The following MACROD2 variants were observed in gnomAD, a reference collection of about 807,000 sequenced individuals.
MACROD2 encodes ADP-ribose glycohydrolase MACROD2.
Under a neutral mutation model 70.4 loss-of-function variants are expected in MACROD2, and 36 were observed. The observed-to-expected ratio is 0.51, with a 90% confidence interval of 0.39 to 0.68. The LOEUF (loss-of-function observed/expected upper bound fraction) is 0.68, where lower values mean the gene tolerates loss of function less well. Ranked by LOEUF, MACROD2 falls within the 30% of genes least tolerant of loss-of-function variation. MACROD2 has a pLI of 0.00. For synonymous variants in MACROD2, 172 were observed against 178.8 expected (o/e 0.96, Z 0.30); for missense variants, 496 against 538.4 (o/e 0.92, Z 0.78).
intron 2 of MACROD2, among the ~76,000 whole-genome samples, chr20:14,025,271 G>A (rs928704612): frequency 6.6e-6 from 1 of 151,902 alleles, no homozygotes; most frequent in Admixed American, 6.6e-5. Context: ...TTCTTTATTT[G>A]TCTGGGTAGC....
At chr20:15,975,088 G>A (rs1248403141) in intron 13 of MACROD2, among the ~76,000 whole-genome samples, 1 of 151,692 alleles carries the variant, frequency 6.6e-6, no homozygotes, top group Non-Finnish European at 1.5e-5. Flanking sequence ...AGAGCAAAAC[G>A]GACAAAAGAC....
At chr20:14,766,423 G>T (rs969974028) in intron 5 of MACROD2, among the ~76,000 whole-genome samples, 4 of 152,028 alleles carry the variant, frequency 2.6e-5, no homozygotes, top group African/African-American at 9.7e-5. Context: ...GTGAACACTT[G>T]GTGGTAAAAG....
rs1255192945 is a variant in MACROD2 at position 14,044,448 on chromosome 20, G to C, written c.164-41173G>C. Among the ~76,000 whole-genome samples, 4 of 152,168 alleles carry C rather than the reference G, an allele frequency of 2.6e-5. 1 individual carries two copies. In the South Asian group the frequency reaches 8.3e-4, roughly 32 times the overall value. On this transcript the variant is annotated intron_variant, in intron 2 of 17. Transcript: ENST00000684519. Reference sequence around the variant, plus strand: ...GCGGGTTGCCACTGCTGGCGTGGCAGCCTGCTTTTATTCTCTTATTTGGCC... The same window carrying C: ...GCGGGTTGCCACTGCTGGCGTGGCACCCTGCTTTTATTCTCTTATTTGGCC...
intron 5 of MACROD2, among the ~76,000 whole-genome samples, chr20:14,811,203 G>A (rs142139139): frequency 0.083 from 12,580 of 152,050 alleles, 820 homozygotes; most frequent in Non-Finnish European, 0.13. Flanking sequence ...CAAGGCTACC[G>A]TAACCAAAAC....
chr20:15,768,694 CTA>C (rs1179216988), intron 8 of MACROD2, among the ~76,000 whole-genome samples: 2 of 152,174 alleles, frequency 1.3e-5, no homozygotes, highest in Non-Finnish European at 2.9e-5. Context: ...AACTTTTTGA[CTA>C]TTTTGTAATC....
chr20:16,043,631 G>T (rs575026998), intron 16 of MACROD2, among the ~76,000 whole-genome samples: 14 of 152,176 alleles, frequency 9.2e-5, no homozygotes, highest in Admixed American at 8.5e-4. Context: ...ACTGAGTCAG[G>T]TAAAAGCACA....
intron 2 of MACROD2, among the ~76,000 whole-genome samples, chr20:14,059,666 T>C (rs958593140): frequency 1.3e-5 from 2 of 152,232 alleles, no homozygotes; most frequent in Admixed American, 1.3e-4. Flanking sequence ...TTTCATTTTT[T>C]GGAAGAACAT....
chr20:14,803,010 T>C (rs903494207), intron 5 of MACROD2, among the ~76,000 whole-genome samples: 2 of 152,110 alleles, frequency 1.3e-5, no homozygotes, highest in Non-Finnish European at 2.9e-5. Context: ...TGAGTTGAAA[T>C]GAATTTTTAC....
At chr20:14,148,283 G>A (rs1216300934) in intron 3 of MACROD2, among the ~76,000 whole-genome samples, 1 of 152,192 alleles carries the variant, frequency 6.6e-6, no homozygotes, top group Non-Finnish European at 1.5e-5. Context: ...CAGGACGTAT[G>A]TTTGGGAAGA....
chr20:15,431,706 T>C (rs1327283510), intron 7 of MACROD2, among the ~76,000 whole-genome samples: 1 of 152,050 alleles, frequency 6.6e-6, no homozygotes, highest in Non-Finnish European at 1.5e-5. Flanking sequence ...TCCAGTAGGA[T>C]TGACTTCTAA....
At chr20:15,819,351 A>G (rs1040846278) in intron 8 of MACROD2, among the ~76,000 whole-genome samples, 46 of 141,658 alleles carry the variant, frequency 3.2e-4, no homozygotes, top group African/African-American at 1.1e-3. Context: ...ATATAATTAT[A>G]TAAATGTATA....
chr20:14,462,009 GTTGGGTATATACCCAGT>G (rs1459902659), intron 3 of MACROD2, among the ~76,000 whole-genome samples: 2 of 151,908 alleles, frequency 1.3e-5, no homozygotes, highest in Non-Finnish European at 2.9e-5. Context: ...ACCCAGTAAT[GTTGGGTATATACCCAGT>G]AATGAGCATG....
At chr20:14,792,603 C>T (rs1166792365) in intron 5 of MACROD2, among the ~76,000 whole-genome samples, 2 of 152,068 alleles carry the variant, frequency 1.3e-5, no homozygotes, top group Non-Finnish European at 2.9e-5. Context: ...TATCACAGCT[C>T]TATAGAGTCA....
rs141021143 is a variant in MACROD2 at position 14,241,236 on chromosome 20, T to C, written c.271+155508T>C. The stretch of plus-strand genomic sequence containing the variant: ...ATGTGATGCATATTAACTAGCATAA[T>C]CTGAGATATTTATAAAGGAAAATAT... On this transcript the variant is annotated intron_variant, in intron 3 of 17. Transcript: ENST00000684519. 1.9e-3 allele frequency among the ~76,000 whole-genome samples: 291 copies of C among 152,376 alleles called. 1 individual carries two copies. The highest frequency in any genetic ancestry group is 2.7e-3 in the Non-Finnish European group (182 of 68,036).
chr20:14,608,590 G>A (rs780335582), intron 4 of MACROD2, among the ~76,000 whole-genome samples: 22 of 152,094 alleles, frequency 1.4e-4, no homozygotes, highest in Admixed American at 5.9e-4. Flanking sequence ...GATTACTGAG[G>A]ATGTGCCAGG....
chr20:14,594,278 C>T (rs529974427), intron 4 of MACROD2, among the ~76,000 whole-genome samples: 34 of 152,250 alleles, frequency 2.2e-4, no homozygotes, highest in African/African-American at 7.5e-4. Context: ...TATTTTCTCT[C>T]ACTTAATTGG....
At chr20:14,017,471 T>C (rs2053010487) in intron 2 of MACROD2, among the ~76,000 whole-genome samples, 1 of 152,136 alleles carries the variant, frequency 6.6e-6, no homozygotes, top group South Asian at 2.1e-4. Context: ...GGATTTTTCA[T>C]ATGTCTCCAT....
At chr20:15,422,373 C>T (rs1296351097) in intron 6 of MACROD2, among the ~76,000 whole-genome samples, 1 of 152,084 alleles carries the variant, frequency 6.6e-6, no homozygotes, top group Non-Finnish European at 1.5e-5. Flanking sequence ...TCTGCCTATA[C>T]CTGTCTTGTT....
chr20:15,772,097 A>T lies in MACROD2; in HGVS notation c.646-90648A>T, dbSNP rs1473856835. Among the ~76,000 whole-genome samples, 88 of 93,388 alleles carry T rather than the reference A, an allele frequency of 9.4e-4. No individual in the cohort carries two copies. The South Asian group carries it at 0.015, about 16-fold the overall frequency. The allele number at this position is 93,388 out of a possible 152,430, so 61.3% of individuals were successfully genotyped here. A position where few individuals can be genotyped will look rare whatever the true frequency, so the allele number is the denominator to read the frequency against. ...GAGACTCGGTCTCAAAAAAAAAAAA[A>T]AAAAATATATATATATATATATATA... On this transcript the variant is annotated intron_variant, in intron 8 of 17. Transcript: ENST00000684519.
Sources: allele counts gnomAD v4.1 joint callset (sites outside exome capture counted in the v4.1 genomes callset), GRCh38; gene constraint gnomAD v4.1.1; transcripts MANE v1.5; gene names NCBI Gene and HGNC (gene_info 2026-07-23, HGNC 2026-07-21).